Variants in NR2F1-AS1 observed in about 807,000 individuals in gnomAD.
The protein encoded by NR2F1-AS1 is NR2F1 antisense RNA 1.
intron 4 of NR2F1-AS1, among the ~76,000 whole-genome samples, chr5:93,432,659 C>G (rs1200647879): frequency 6.6e-6 from 1 of 152,136 alleles, no homozygotes; most frequent in Admixed American, 6.6e-5. Flanking sequence ...CCTATTTCTC[C>G]ATTCCAACTA....
Position 93,498,944 on chromosome 5 carries a change from GATCAGTT to G in NR2F1-AS1, n.638+54810_638+54816del, listed in dbSNP as rs1751020377. 5.3e-5 allele frequency among the ~76,000 whole-genome samples: 8 copies of G among 151,976 alleles called. No homozygotes were observed. In the South Asian group the frequency reaches 1.7e-3, roughly 32 times the overall value. On this transcript the variant is annotated intron_variant and non_coding_transcript_variant, in intron 4 of 5. Coordinates refer to ENST00000660523, the Ensembl canonical transcript of NR2F1-AS1. Reference sequence around the variant, plus strand: ...ATTACCCTTATGAAAGAAGCACTAAGATCAGTTGACCTAGGTTCCTCTACATAAATTT... The same window carrying G: ...ATTACCCTTATGAAAGAAGCACTAAGGACCTAGGTTCCTCTACATAAATTT...
At position 93,566,179 on chromosome 5, in the gene NR2F1-AS1, T is replaced by C. The variant is rs1344827288; in HGVS notation, n.314-2716A>G. Among the ~76,000 whole-genome samples, 6 of 152,130 alleles carry C rather than the reference T, an allele frequency of 3.9e-5. No individual in the cohort carries two copies. In the East Asian group the frequency reaches 7.7e-4, roughly 20 times the overall value. ...TTTTCCAACAAGAAAGTACAGGTCA[T>C]TCAGCAAAATATATTTACTGTATAC... On this transcript the variant is annotated intron_variant and non_coding_transcript_variant, in intron 1 of 5. Transcript: ENST00000660523.
At chr5:93,498,128 A>C (rs1219649623) in intron 4 of NR2F1-AS1, among the ~76,000 whole-genome samples, 1 of 152,138 alleles carries the variant, frequency 6.6e-6, no homozygotes, top group Non-Finnish European at 1.5e-5. Flanking sequence ...ATTTGAGACC[A>C]GCCTGGGCAA....
upstream of NR2F1-AS1, chr5:93,583,397 C>T (rs1388835206): frequency 6.6e-6 from 1 of 150,906 alleles, no homozygotes; most frequent in Admixed American, 6.6e-5. Flanking sequence ...CTGAACCTCT[C>T]TTCTCTTTCT....
At position 93,418,042 on chromosome 5, in the gene NR2F1-AS1, C is replaced by T. The variant is rs1408819510; in HGVS notation, n.639-22500G>A. Among the ~76,000 whole-genome samples, 7 of 152,310 alleles carry T rather than the reference C, an allele frequency of 4.6e-5. No individual in the cohort carries two copies. The South Asian group carries it at 6.2e-4, about 14-fold the overall frequency. On this transcript the variant is annotated intron_variant and non_coding_transcript_variant, in intron 4 of 5. Coordinates refer to ENST00000660523, the Ensembl canonical transcript of NR2F1-AS1. ...TGTGAAAGAGCTGCCACATGCCTCT[C>T]TGCAAGGGAAACAGCCTTGGGACAC...
exon 1 of NR2F1-AS1, chr5:93,580,736 CTT>C (rs1326307998): frequency 1.3e-5 from 2 of 152,368 alleles, no homozygotes; most frequent in Non-Finnish European, 2.9e-5. Context: ...GAAAGGTTTT[CTT>C]TTCTTTCTTT....
chr5:93,442,785 C>T (rs1053878062), intron 4 of NR2F1-AS1, among the ~76,000 whole-genome samples: 11 of 152,222 alleles, frequency 7.2e-5, no homozygotes, highest in Non-Finnish European at 1.2e-4. Flanking sequence ...CTGGGAGACA[C>T]CTCCCAGTAG....
chr5:93,566,661 T>C (rs996414015), intron 1 of NR2F1-AS1, among the ~76,000 whole-genome samples: 1 of 152,166 alleles, frequency 6.6e-6, no homozygotes, highest in East Asian at 1.9e-4. Context: ...TGGTAGAACC[T>C]TTCTGGAAAA....
intron 4 of NR2F1-AS1, among the ~76,000 whole-genome samples, chr5:93,547,186 T>C (rs921154064): frequency 1.3e-5 from 2 of 152,206 alleles, no homozygotes; most frequent in African/African-American, 4.8e-5. Flanking sequence ...TGCATATATA[T>C]GTATTTTATT....
At chr5:93,490,220 T>G (rs1409628996) in intron 4 of NR2F1-AS1, among the ~76,000 whole-genome samples, 1 of 152,250 alleles carries the variant, frequency 6.6e-6, no homozygotes, top group Non-Finnish European at 1.5e-5. Flanking sequence ...TTATTGCCCT[T>G]TAAATGTCAA....
At chr5:93,484,871 C>A (rs1750683089) in intron 4 of NR2F1-AS1, among the ~76,000 whole-genome samples, 1 of 151,642 alleles carries the variant, frequency 6.6e-6, no homozygotes, top group Non-Finnish European at 1.5e-5. Context: ...AAAGAAAGGG[C>A]ATTGCATATT....
chr5:93,497,456 C>A (rs1196180665), intron 4 of NR2F1-AS1, among the ~76,000 whole-genome samples: 3 of 152,138 alleles, frequency 2.0e-5, no homozygotes, highest in Non-Finnish European at 4.4e-5. Flanking sequence ...AAAAGACATG[C>A]TCCGGTTTTC....
chr5:93,549,737 TA>T (rs1752180146), intron 4 of NR2F1-AS1, among the ~76,000 whole-genome samples: 1 of 152,042 alleles, frequency 6.6e-6, no homozygotes, highest in South Asian at 2.1e-4. Flanking sequence ...TCAATCACAT[TA>T]AAGAGCGCCC....
intron 2 of NR2F1-AS1, among the ~76,000 whole-genome samples, chr5:93,562,445 C>T (rs901927465): frequency 2.6e-5 from 4 of 151,912 alleles, no homozygotes; most frequent in African/African-American, 9.7e-5. Context: ...GCACATGCCA[C>T]CAAGCTGGGC....
At chr5:93,497,452 C>T (rs1477711543) in intron 4 of NR2F1-AS1, among the ~76,000 whole-genome samples, 1 of 152,162 alleles carries the variant, frequency 6.6e-6, no homozygotes, top group Non-Finnish European at 1.5e-5. Context: ...TGAGAAAAGA[C>T]ATGCTCCGGT....
At chr5:93,507,864 T>G (rs1324265805) in intron 4 of NR2F1-AS1, among the ~76,000 whole-genome samples, 1 of 152,014 alleles carries the variant, frequency 6.6e-6, no homozygotes, top group Non-Finnish European at 1.5e-5. Flanking sequence ...TAATAAAACA[T>G]CTCATTCCAA....
intron 4 of NR2F1-AS1, among the ~76,000 whole-genome samples, chr5:93,537,744 C>A (rs1267103933): frequency 3.9e-5 from 6 of 152,158 alleles, no homozygotes; most frequent in Non-Finnish European, 8.8e-5. Context: ...TATGGTGGTT[C>A]TTTAAAAATC....
At chr5:93,421,412 C>G (rs1477767828) in intron 4 of NR2F1-AS1, among the ~76,000 whole-genome samples, 2 of 151,912 alleles carry the variant, frequency 1.3e-5, no homozygotes, top group Non-Finnish European at 2.9e-5. Context: ...TCAACAGTCC[C>G]CAAAGTTATA....
At chr5:93,583,508 G>C (rs891524954), upstream of NR2F1-AS1, 2 of 151,672 alleles carry the variant, frequency 1.3e-5, no homozygotes, top group Non-Finnish European at 2.9e-5. Flanking sequence ...CTGCAGAAGA[G>C]AGAGGGCTAA....
Sources: allele counts gnomAD v4.1 joint callset (sites outside exome capture counted in the v4.1 genomes callset), GRCh38; gene constraint gnomAD v4.1.1; transcripts MANE v1.5; gene names NCBI Gene and HGNC (gene_info 2026-07-23, HGNC 2026-07-21).